Variants in ACTC1 observed in about 807,000 individuals in gnomAD.
ACTC1 encodes the protein actin alpha cardiac muscle 1, also known as actin, alpha cardiac muscle 1.
A neutral mutation model predicts 31.6 loss-of-function variants in ACTC1; 10 were observed. The ratio of observed to expected loss-of-function variants is 0.32; its 90% CI spans 0.19 to 0.54. The LOEUF is 0.54. ACTC1 is among the 20% of genes least tolerant of loss of function. ACTC1 has a pLI of 0.95. For synonymous variants in ACTC1, 196 were observed against 185.0 expected (o/e 1.06, Z -0.48); for missense variants, 129 against 506.4 (o/e 0.25, Z 7.15).
At chr15:34,794,032 G>T (rs1303280756) in intron 2 of ACTC1, among the ~76,000 whole-genome samples, 2 of 152,324 alleles carry the variant, frequency 1.3e-5, no homozygotes, top group East Asian at 1.9e-4. Context: ...GTGAAATTCA[G>T]CCTGTCCAGA....
intron 2 of ACTC1, among the ~76,000 whole-genome samples, chr15:34,794,135 C>G (rs1435013481): frequency 1.3e-5 from 2 of 152,124 alleles, no homozygotes; most frequent in African/African-American, 4.8e-5. Context: ...GAGAGCATGG[C>G]ATGTCTTTTA....
intron 6 of ACTC1, 106 bp downstream of exon 6, chr15:34,791,008 T>A: frequency 9.0e-7 from 1 of 1,113,076 alleles, no homozygotes; most frequent in Non-Finnish European, 1.3e-6. Context: ...CAGGTAAAGT[T>A]TGTAGGAGAC....
In ACTC1 at chr15:34,793,621, A is replaced by C. The variant is rs1159270851; in HGVS notation, c.130-52T>G. ...ATGCTCTCACCATGTCAGGAATATA[A>C]TCAGTGTCTTGTCCATTTATATCTA... On this transcript the variant is annotated intron_variant, in intron 2 of 6. Transcript: ENST00000290378. The surrounding 1 kb of genome is among the most constrained non-coding windows in gnomAD (Gnocchi z 4.8). 6.5e-7 allele frequency: 1 copy of C among 1,532,672 alleles called. No individual in the cohort carries two copies. Among genetic ancestry groups the C allele is most frequent in the Non-Finnish European group, 9.0e-7 (1 of 1,110,042 alleles). The allele number at this position is 1,532,672 out of a possible 1,614,324, so 94.9% of individuals were successfully genotyped here.
chr15:34,793,123 G>T lies in ACTC1; in HGVS notation c.454+122C>A. 2.0e-6 allele frequency: 2 copies of T among 1,018,470 alleles called. No homozygotes were observed. The highest frequency in any genetic ancestry group is 3.0e-6 in the Non-Finnish European group (2 of 671,216). The allele number at this position is 1,018,470 out of a possible 1,614,324, so 63.1% of individuals were successfully genotyped here. A position where few individuals can be genotyped will look rare whatever the true frequency, so the allele number is the denominator to read the frequency against. Reference sequence around the variant, plus strand: ...ACTGTTAACTCTTTCTCTTAGCACAGACCTTGCTAGGGAATGGGAGGAAAG... The same window carrying T: ...ACTGTTAACTCTTTCTCTTAGCACATACCTTGCTAGGGAATGGGAGGAAAG... On this transcript the variant is annotated intron_variant, in intron 3 of 6. Coordinates refer to ENST00000290378, the MANE Select transcript of ACTC1 (RefSeq NM_005159.5). This position sits in a 1 kb window ranked among gnomAD's most constrained non-coding sequence, Gnocchi z 4.8.
rs201258118 is a variant in ACTC1 at position 34,790,396 on chromosome 15, G to A, written c.*16C>T. ...CCGTCATCCTGACTGGAAGGTAGAT[G>A]GAGAGAGAAGGCATCTTAGAAGCAT... On this transcript the variant is annotated 3_prime_UTR_variant, in exon 7 of 7. Transcript: ENST00000290378. The A allele has an allele frequency of 4.0e-5, 65 of 1,613,056 alleles. 1 individual carries two copies. In the Admixed American group the frequency reaches 1.0e-3, roughly 26 times the overall value.
intron 5 of ACTC1, chr15:34,791,866 C>T (rs940403986): frequency 7.4e-5 from 42 of 567,416 alleles, no homozygotes; most frequent in Middle Eastern, 9.6e-4. Context: ...CTGTGTCATC[C>T]TTTATTTTGA....
chr15:34,794,824 G>A lies in ACTC1; in HGVS notation c.-16C>T, dbSNP rs1350570376. On this transcript the variant is annotated 5_prime_UTR_variant, in exon 2 of 7. Transcript: ENST00000290378. ...CGTCACACATCTTGGCACAGCTTCA[G>A]GGGGTTCTGCAGGTTGAGGAGGGGA... is the stretch of plus-strand genomic sequence containing the variant. The A allele has an allele frequency of 8.1e-6, 13 of 1,611,202 alleles. No individual in the cohort carries two copies. The highest frequency in any genetic ancestry group is 1.7e-5 in the Admixed American group (1 of 59,932).
intron 6 of ACTC1, 140 bp downstream of exon 6, chr15:34,790,974 C>G: frequency 1.2e-6 from 1 of 825,492 alleles, no homozygotes; most frequent in Non-Finnish European, 1.9e-6. Flanking sequence ...CTAAGAAAAT[C>G]AGAAAAAGTG....
rs771047512 is a variant in ACTC1 at position 34,790,600 on chromosome 15, AG to A, written c.991-46del. On this transcript the variant is annotated intron_variant, in intron 6 of 6. Transcript: ENST00000290378. ...ACTTCCAGTGAACTCTGAAGTTCCAAGCAAGGGAGCAAATAACACATTGGGA... is the reference window on the plus strand; with the variant it reads ...ACTTCCAGTGAACTCTGAAGTTCCAACAAGGGAGCAAATAACACATTGGGA... The A allele has an allele frequency of 1.9e-6, 3 of 1,610,438 alleles. No homozygotes were observed. The Admixed American group carries it at 5.0e-5, about 27-fold the overall frequency.
Position 34,792,770 on chromosome 15 carries a change from T to C in ACTC1, c.455-201A>G. On this transcript the variant is annotated intron_variant, in intron 3 of 6. Coordinates refer to ENST00000290378, the MANE Select transcript of ACTC1 (RefSeq NM_005159.5). The surrounding 1 kb of genome is among the most constrained non-coding windows in gnomAD (Gnocchi z 5.3). Reference sequence around the variant, plus strand: ...CTGAAGCAAACTGCAGCTCATCTTTTTAACTATTATAGTAGAAAAAATTCC... The same window carrying C: ...CTGAAGCAAACTGCAGCTCATCTTTCTAACTATTATAGTAGAAAAAATTCC... The C allele has an allele frequency of 1.6e-6, 1 of 621,756 alleles. No individual in the cohort carries two copies. Among genetic ancestry groups the C allele is most frequent in the Non-Finnish European group, 2.8e-6 (1 of 355,436 alleles). 38.5% of individuals were successfully genotyped at this position (621,756 alleles called of 1,614,324 possible).
rs1439528781 is a variant in ACTC1, at chr15:34,794,731, A to G, written c.78T>C (p.Asp26=). The part of the protein sequence containing the change: ...SGLVKAGFAG[D]DAPRAVFPSI... ...ACGGGAAGACAGCGCGGGGCGCGTC[A>G]TCGCCCGCAAAGCCGGCCTTCACCA... Residue 26 remains aspartate (D), a synonymous_variant, in exon 2 of 7, where the codon GAT becomes GAC. Transcript: ENST00000290378. 6.2e-7 allele frequency: 1 copy of G among 1,613,422 alleles called. No homozygotes were observed. Among genetic ancestry groups the G allele is most frequent in the South Asian group, 1.1e-5 (1 of 91,046 alleles).
In ACTC1 at chr15:34,792,500, T is replaced by TG. The variant is rs730880389; in HGVS notation, c.523dup (p.His175ProfsTer15). On this transcript the variant is annotated frameshift_variant, in exon 4 of 7. Transcript: ENST00000290378. LOFTEE classifies it high-confidence loss of function. This position sits in a 1 kb window ranked among gnomAD's most constrained non-coding sequence, Gnocchi z 5.3. ...AGCCAGATCCAGACGCATGATGGCA[T>TG]GGGGCAAAGCGTAGCCCTCATAGAT... is the stretch of plus-strand genomic sequence containing the variant. 22 of 1,614,154 alleles carry TG rather than the reference T, an allele frequency of 1.4e-5. No homozygotes were observed. The highest frequency in any genetic ancestry group is 1.8e-5 in the Non-Finnish European group (21 of 1,180,022).
At chr15:34,794,546 A>G in intron 2 of ACTC1, 134 bp downstream of exon 2, 2 of 1,320,758 alleles carry the variant, frequency 1.5e-6, no homozygotes, top group Non-Finnish European at 2.0e-6. Flanking sequence ...CTTGGCTTGG[A>G]TTTGAAGTCA....
At position 34,790,511 on chromosome 15, in the gene ACTC1, G is replaced by T; in HGVS notation, c.1035C>A (p.Gly345=). 1 of 1,614,094 alleles carries T rather than the reference G, an allele frequency of 6.2e-7. No homozygotes were observed. The highest frequency in any genetic ancestry group is 8.5e-7 in the Non-Finnish European group (1 of 1,179,992). ...PERKYSVWIG[G]SILASLSTFQ... Reference sequence around the variant, plus strand: ...AGGTGGACAGAGAGGCCAGGATGGAGCCCCCAATCCAGACAGAGTATTTAC... The same window carrying T: ...AGGTGGACAGAGAGGCCAGGATGGATCCCCCAATCCAGACAGAGTATTTAC... Residue 345 remains glycine (G), a synonymous_variant, in exon 7 of 7, where the codon GGC becomes GGA. Coordinates refer to ENST00000290378, the MANE Select transcript of ACTC1 (RefSeq NM_005159.5).
At position 34,795,413 on chromosome 15, in the gene ACTC1, GC is replaced by G. The variant is rs1891806308; in HGVS notation, c.-23+92del. On this transcript the variant is annotated intron_variant, in intron 1 of 6. Coordinates refer to ENST00000290378, the MANE Select transcript of ACTC1 (RefSeq NM_005159.5). Reference sequence around the variant, plus strand: ...GAGCTGGGGCCTTGGCTGAATGCGGGCCGGGCTGGCCAGGTGGCGGCGCGGG... The same window carrying G: ...GAGCTGGGGCCTTGGCTGAATGCGGGCGGGCTGGCCAGGTGGCGGCGCGGG... 1.3e-5 allele frequency: 2 copies of G among 152,504 alleles called. 1 individual carries two copies. The highest frequency in any genetic ancestry group is 2.9e-5 in the Non-Finnish European group (2 of 68,400). The allele number at this position is 152,504 out of a possible 1,614,324, so 9.4% of individuals were successfully genotyped here.
rs1891676617 is a variant in ACTC1, at chr15:34,790,336, G to A, written c.*76C>T. 6 of 1,542,170 alleles carry A rather than the reference G, an allele frequency of 3.9e-6. No individual in the cohort carries two copies. The highest frequency in any genetic ancestry group is 2.3e-5 in the East Asian group (1 of 44,432). ...TGTACAATGATTGATGAAAGATGAGGGAAGGTGGTTTGGAAGACTCCAAGA... is the reference window on the plus strand; with the variant it reads ...TGTACAATGATTGATGAAAGATGAGAGAAGGTGGTTTGGAAGACTCCAAGA... On this transcript the variant is annotated 3_prime_UTR_variant, in exon 7 of 7. Transcript: ENST00000290378.
chr15:34,795,088 C>A (rs1364152222), intron 1 of ACTC1, among the ~76,000 whole-genome samples: 1 of 152,060 alleles, frequency 6.6e-6, no homozygotes, highest in Non-Finnish European at 1.5e-5. Flanking sequence ...GTGCCAGGTG[C>A]AAGGAGGGAC....
Position 34,792,361 on chromosome 15 carries a change from G to A in ACTC1, c.616+47C>T, listed in dbSNP as rs377217263. On this transcript the variant is annotated intron_variant, in intron 4 of 6. Coordinates refer to ENST00000290378, the MANE Select transcript of ACTC1 (RefSeq NM_005159.5). The surrounding 1 kb of genome is among the most constrained non-coding windows in gnomAD (Gnocchi z 5.3). ...GGAGGTAGGCGGATTCAGTGAGAGA[G>A]GAGGAAAGCAGACCCACACTGTGGC... is the stretch of plus-strand genomic sequence containing the variant. 3.7e-5 allele frequency: 59 copies of A among 1,613,998 alleles called. No homozygotes were observed. Among genetic ancestry groups the A allele is most frequent in the South Asian group, 1.5e-4 (14 of 91,068 alleles).
chr15:34,794,008 T>C (rs1891761008), intron 2 of ACTC1, among the ~76,000 whole-genome samples: 1 of 152,238 alleles, frequency 6.6e-6, no homozygotes, highest in African/African-American at 2.4e-5. Context: ...TGATATGCCA[T>C]CCTCACTCCA....
Sources: allele counts gnomAD v4.1 joint callset (sites outside exome capture counted in the v4.1 genomes callset), GRCh38; gene constraint gnomAD v4.1.1; non-coding constraint Gnocchi (gnomAD v3.1); transcripts MANE v1.5; gene names NCBI Gene and HGNC (gene_info 2026-07-23, HGNC 2026-07-21).